Variants in KLHL3 observed in about 807,000 individuals in gnomAD.
KLHL3 encodes kelch-like protein 3.
A neutral mutation model predicts 70.5 loss-of-function variants in KLHL3; 19 were observed. That is an observed-to-expected ratio of 0.27 (90% CI 0.19 to 0.40). KLHL3 has a LOEUF of 0.40. Among genes scored for constraint, KLHL3 ranks in the 10% least tolerant of loss-of-function variants. The pLI is 1.00. For synonymous variants in KLHL3, 258 were observed against 290.3 expected (o/e 0.89, Z 1.13); for missense variants, 512 against 771.1 (o/e 0.66, Z 3.98).
At position 137,715,030 on chromosome 5, in the gene KLHL3, T is replaced by G. The variant is rs77790192; in HGVS notation, c.135-5174A>C. On this transcript the variant is annotated intron_variant, in intron 2 of 14. Coordinates refer to ENST00000309755, the MANE Select transcript of KLHL3 (RefSeq NM_017415.3). ...CTTCTTTTCAGGCCTGGTTAGGATG[T>G]GCTATTCTAAGAAGGCCCACAGCCC... Among the ~76,000 whole-genome samples, 430 of 152,302 alleles carry G rather than the reference T, an allele frequency of 2.8e-3. 1 individual carries two copies. The highest frequency in any genetic ancestry group is 0.01 in the African/African-American group (417 of 41,560).
chr5:137,623,233 G>A (rs766576289), intron 14 of KLHL3, among the ~76,000 whole-genome samples: 4 of 152,164 alleles, frequency 2.6e-5, no homozygotes, highest in African/African-American at 4.8e-5. Flanking sequence ...ACTTACAGGT[G>A]TTTACAGGCA....
At chr5:137,640,124 C>A (rs1204557670) in intron 8 of KLHL3, 147 bp from the exon 9 acceptor site, 6 of 666,174 alleles carry the variant, frequency 9.0e-6, no homozygotes, top group Non-Finnish European at 1.6e-5. Context: ...GATGCTGCTC[C>A]TGGTCACCAA....
chr5:137,634,722 G>T (rs913463283), intron 11 of KLHL3, among the ~76,000 whole-genome samples: 3 of 152,166 alleles, frequency 2.0e-5, no homozygotes, highest in African/African-American at 7.2e-5. Flanking sequence ...GTGGGCCAGG[G>T]TGGCTGGAAT....
At chr5:137,703,258 G>T (rs966730176) in intron 3 of KLHL3, among the ~76,000 whole-genome samples, 15 of 152,154 alleles carry the variant, frequency 9.9e-5, no homozygotes, top group Admixed American at 7.2e-4. Context: ...TTAGTCTCAT[G>T]TTCTGGGTAG....
chr5:137,627,474 A>ACCCCCCCCCCCCCCC lies in KLHL3; in HGVS notation c.1591+822_1591+823insGGGGGGGGGGGGGGG, dbSNP rs1215063936. On this transcript the variant is annotated intron_variant, in intron 13 of 14. Coordinates refer to ENST00000309755, the MANE Select transcript of KLHL3 (RefSeq NM_017415.3). ...GGCAATGAGTAAATTAGTAAATATCACCACCCCCCCCCCCGGTTTACACTT... is the reference window on the plus strand; with the variant it reads ...GGCAATGAGTAAATTAGTAAATATCACCCCCCCCCCCCCCCCCACCCCCCCCCCCGGTTTACACTT... Among the ~76,000 whole-genome samples the ACCCCCCCCCCCCCCC allele has an allele frequency of 9.4e-5, 5 of 53,108 alleles. 1 individual carries two copies. Among genetic ancestry groups the ACCCCCCCCCCCCCCC allele is most frequent in the Admixed American group, 2.0e-4 (1 of 4,898 alleles). The allele number at this position is 53,108 out of a possible 152,430, so 34.8% of individuals were successfully genotyped here.
intron 1 of KLHL3, 51 bp downstream of exon 1, chr5:137,735,582 C>T (rs1485829289): frequency 7.0e-7 from 1 of 1,422,338 alleles, no homozygotes; most frequent in Admixed American, 1.7e-5. Flanking sequence ...ACCGCAAGCA[C>T]ACATACACTT....
At chr5:137,680,828 G>C (rs1430219215) in intron 5 of KLHL3, among the ~76,000 whole-genome samples, 1 of 152,132 alleles carries the variant, frequency 6.6e-6, no homozygotes, top group Non-Finnish European at 1.5e-5. Context: ...ACAGGTGTGA[G>C]CCACTGCGGC....
Position 137,618,258 on chromosome 5 carries a change from C to T in KLHL3, c.*3840G>A, listed in dbSNP as rs1482045641. ...TCCAACTAACTGGAATATGAGTTTG[C>T]TCAGCCTCCCAACTTGATCCAGCTA... On this transcript the variant is annotated 3_prime_UTR_variant, in exon 15 of 15. Coordinates refer to ENST00000309755, the MANE Select transcript of KLHL3 (RefSeq NM_017415.3). 6.6e-6 allele frequency: 1 copy of T among 152,550 alleles called. No homozygotes were observed. The highest frequency in any genetic ancestry group is 2.4e-5 in the African/African-American group (1 of 41,414). 9.4% of individuals were successfully genotyped at this position (152,550 alleles called of 1,614,324 possible).
chr5:137,639,768 T>C lies in KLHL3; in HGVS notation c.1021+92A>G. On this transcript the variant is annotated intron_variant, in intron 9 of 14. Transcript: ENST00000309755. The surrounding 1 kb of genome is among the most constrained non-coding windows in gnomAD (Gnocchi z 5.0). ...CGAATGGGAGCCTGAAATGCACAGATGCTTGAGGAAACAAGGAGTAGCTCA... is the reference window on the plus strand; with the variant it reads ...CGAATGGGAGCCTGAAATGCACAGACGCTTGAGGAAACAAGGAGTAGCTCA... 3.3e-6 allele frequency: 3 copies of C among 897,202 alleles called. No individual in the cohort carries two copies. Among genetic ancestry groups the C allele is most frequent in the Non-Finnish European group, 3.7e-6 (2 of 547,738 alleles). 55.6% of individuals were successfully genotyped at this position (897,202 alleles called of 1,614,324 possible). A position where few individuals can be genotyped will look rare whatever the true frequency, so the allele number is the denominator to read the frequency against.
intron 2 of KLHL3, among the ~76,000 whole-genome samples, chr5:137,720,065 G>A (rs1168677835): frequency 6.6e-6 from 1 of 152,164 alleles, no homozygotes; most frequent in African/African-American, 2.4e-5. Context: ...ACTTTGGGAG[G>A]CTGAGGCAGG....
At chr5:137,706,241 C>A (rs1239935712) in intron 3 of KLHL3, 6 of 985,292 alleles carry the variant, frequency 6.1e-6, no homozygotes, top group Non-Finnish European at 7.2e-6. Context: ...ATTTTACTTT[C>A]CTTTTGGCTT....
chr5:137,660,442 C>T (rs1170899843), intron 7 of KLHL3, among the ~76,000 whole-genome samples: 1 of 152,178 alleles, frequency 6.6e-6, no homozygotes, highest in Non-Finnish European at 1.5e-5. Flanking sequence ...GGAGGTTTGA[C>T]TGACACTGGA....
intron 2 of KLHL3, among the ~76,000 whole-genome samples, chr5:137,719,920 G>A (rs1391313156): frequency 6.6e-6 from 1 of 152,172 alleles, no homozygotes; most frequent in Non-Finnish European, 1.5e-5. Flanking sequence ...TTTTTCCCCT[G>A]TGATTAATCA....
intron 6 of KLHL3, among the ~76,000 whole-genome samples, chr5:137,668,271 G>A (rs1396945738): frequency 3.9e-5 from 6 of 152,116 alleles, no homozygotes; most frequent in East Asian, 1.9e-4. Context: ...TTAGCTGGGC[G>A]TGGTGGCGCA....
intron 12 of KLHL3, among the ~76,000 whole-genome samples, chr5:137,630,834 C>T (rs12653104): frequency 0.54 from 81,613 of 151,704 alleles, 22,360 homozygotes; most frequent in African/African-American, 0.64. Flanking sequence ...AGGCAATGGC[C>T]CCACGTTCAG....
intron 1 of KLHL3, chr5:137,725,138 A>C: frequency 1.1e-5 from 9 of 811,032 alleles, no homozygotes; most frequent in Non-Finnish European, 1.3e-5. Flanking sequence ...AAGCATTCTC[A>C]GTTCTTATTT....
At chr5:137,722,257 C>T (rs1413003640) in intron 1 of KLHL3, among the ~76,000 whole-genome samples, 1 of 152,206 alleles carries the variant, frequency 6.6e-6, no homozygotes, top group Non-Finnish European at 1.5e-5. Context: ...CAAATACGAC[C>T]AGCGTGGCAG....
intron 4 of KLHL3, among the ~76,000 whole-genome samples, chr5:137,696,194 T>C (rs186250102): frequency 1.4e-3 from 218 of 152,314 alleles, no homozygotes; most frequent in Non-Finnish European, 2.5e-3. Flanking sequence ...TCTCCTGGAA[T>C]TGCAGGGAGG....
intron 11 of KLHL3, 24 bp from the exon 12 acceptor site, chr5:137,634,189 T>A (rs1160553129): frequency 2.5e-6 from 4 of 1,586,664 alleles, no homozygotes; most frequent in Non-Finnish European, 2.6e-6. Context: ...AGTGGCTGAG[T>A]GTGGTGCCAG....
Sources: allele counts gnomAD v4.1 joint callset (sites outside exome capture counted in the v4.1 genomes callset), GRCh38; gene constraint gnomAD v4.1.1; non-coding constraint Gnocchi (gnomAD v3.1); transcripts MANE v1.5; gene names NCBI Gene and HGNC (gene_info 2026-07-23, HGNC 2026-07-21).